SLC9C1: variants seen among roughly 807,000 people sequenced by gnomAD.
SLC9C1 encodes the protein solute carrier family 9 member C1, also known as sodium/hydrogen exchanger 10.
SLC9C1 carries 97 observed loss-of-function variants against 140.9 expected under a neutral mutation model. The ratio of observed to expected loss-of-function variants is 0.69; its 90% CI spans 0.58 to 0.82. The LOEUF is 0.82. Ranked by LOEUF, SLC9C1 falls within the 40% of genes least tolerant of loss-of-function variation. The pLI is 0.00. For synonymous variants in SLC9C1, 440 were observed against 442.6 expected, an observed-to-expected ratio of 0.99 and a Z score of 0.07; for missense variants, 1,340 against 1,389.3, an observed-to-expected ratio of 0.96 and a Z score of 0.56.
In SLC9C1 at chr3:112,182,342, C is replaced by G. The variant is rs571721456; in HGVS notation, c.2524-84G>C. 17 of 1,341,460 alleles carry G rather than the reference C, an allele frequency of 1.3e-5. No homozygotes were observed. In the South Asian group the frequency reaches 2.6e-4, roughly 21 times the overall value. 83.1% of individuals were successfully genotyped at this position (1,341,460 alleles called of 1,614,324 possible). On this transcript the variant is annotated intron_variant, in intron 20 of 28. Transcript: ENST00000305815. ...GGCAGACAGGTCTTTGTACTATTTC[C>G]TATTCTTGATCATTTGACATTTTTC... is the stretch of plus-strand genomic sequence containing the variant.
intron 9 of SLC9C1, 38 bp from the exon 10 acceptor site, chr3:112,263,136 A>G: frequency 6.6e-7 from 1 of 1,509,112 alleles, no homozygotes; most frequent in Non-Finnish European, 8.9e-7. Context: ...TTATTCTTTC[A>G]TATGAGTTTC....
chr3:112,258,476 C>T (rs1367575815), intron 10 of SLC9C1, among the ~76,000 whole-genome samples: 1 of 151,970 alleles, frequency 6.6e-6, no homozygotes, highest in Non-Finnish European at 1.5e-5. Flanking sequence ...CTCTGTCGCC[C>T]AGGCTGGAGT....
intron 10 of SLC9C1, among the ~76,000 whole-genome samples, chr3:112,249,525 G>A (rs2079388793): frequency 6.6e-6 from 1 of 152,102 alleles, no homozygotes; most frequent in African/African-American, 2.4e-5. Context: ...AGTTTTAGTA[G>A]AAGTGGTACC....
At chr3:112,242,811 T>A (rs965431193) in intron 11 of SLC9C1, among the ~76,000 whole-genome samples, 2 of 151,932 alleles carry the variant, frequency 1.3e-5, no homozygotes, top group Non-Finnish European at 2.9e-5. Flanking sequence ...ACAACTACTA[T>A]GTATCCACAA....
rs142590805 is a variant in SLC9C1, at chr3:112,194,897, A to T, written c.2523+4424T>A. 1.1e-4 allele frequency among the ~76,000 whole-genome samples: 16 copies of T among 146,960 alleles called. 1 individual carries two copies. Among genetic ancestry groups the T allele is most frequent in the South Asian group, 4.4e-4 (2 of 4,540 alleles). Reference sequence around the variant, plus strand: ...TTTCCATAATGATGAATGATGTCAAACTCATTATATTTTCATGTTGTTATT... The same window carrying T: ...TTTCCATAATGATGAATGATGTCAATCTCATTATATTTTCATGTTGTTATT... On this transcript the variant is annotated intron_variant, in intron 20 of 28. Transcript: ENST00000305815.
intron 22 of SLC9C1, 36 bp downstream of exon 22, chr3:112,180,528 C>CA (rs766872074): frequency 6.1e-5 from 94 of 1,546,934 alleles, no homozygotes; most frequent in African/African-American, 2.9e-4. Context: ...TGTCTCAAAA[C>CA]AAAAAAACAA....
At chr3:112,292,614 G>A (rs1480835285) in intron 1 of SLC9C1, among the ~76,000 whole-genome samples, 1 of 152,052 alleles carries the variant, frequency 6.6e-6, no homozygotes, top group African/African-American at 2.4e-5. Flanking sequence ...TGCGATCTCG[G>A]CTCACTGCAA....
intron 10 of SLC9C1, among the ~76,000 whole-genome samples, chr3:112,259,526 C>G (rs2079711645): frequency 6.6e-6 from 1 of 151,342 alleles, no homozygotes; most frequent in South Asian, 2.1e-4. Flanking sequence ...AACACAAGAA[C>G]AGAAAGCCAA....
intron 23 of SLC9C1, among the ~76,000 whole-genome samples, chr3:112,176,375 A>G (rs2077336747): frequency 1.3e-5 from 2 of 152,132 alleles, no homozygotes; most frequent in African/African-American, 2.4e-5. Flanking sequence ...TGAAAGTGCT[A>G]TGTTTACTTG....
chr3:112,191,526 T>C (rs1311783891), intron 20 of SLC9C1, among the ~76,000 whole-genome samples: 1 of 152,178 alleles, frequency 6.6e-6, no homozygotes, highest in African/African-American at 2.4e-5. Context: ...AGTCCTTGCA[T>C]CTCAGAAATA....
At chr3:112,239,111 C>T (rs562052390) in intron 12 of SLC9C1, among the ~76,000 whole-genome samples, 25 of 152,330 alleles carry the variant, frequency 1.6e-4, no homozygotes, top group East Asian at 3.9e-4. Context: ...CCACCCAGTT[C>T]GAGCTTCCTG....
intron 10 of SLC9C1, among the ~76,000 whole-genome samples, chr3:112,250,419 T>A (rs2079420434): frequency 7.1e-6 from 1 of 140,878 alleles, no homozygotes. Flanking sequence ...ATCCTTTGGG[T>A]ATATACCTAG....
chr3:112,252,323 C>T (rs781201589), intron 10 of SLC9C1, among the ~76,000 whole-genome samples: 9 of 152,116 alleles, frequency 5.9e-5, no homozygotes, highest in Non-Finnish European at 1.0e-4. Flanking sequence ...AATTTCCTGA[C>T]CACAGTCTAT....
At chr3:112,187,665 A>T (rs55714509) in intron 20 of SLC9C1, among the ~76,000 whole-genome samples, 30,526 of 152,194 alleles carry the variant, frequency 0.2, 3,426 homozygotes, top group Middle Eastern at 0.26. Flanking sequence ...ATATAAGAAC[A>T]CTTCCAAGTA....
At chr3:112,197,607 C>G (rs1306759680) in intron 20 of SLC9C1, among the ~76,000 whole-genome samples, 1 of 152,150 alleles carries the variant, frequency 6.6e-6, no homozygotes, top group Non-Finnish European at 1.5e-5. Flanking sequence ...CTGAAAGTTG[C>G]AAACCTTCAT....
chr3:112,286,714 G>A lies in SLC9C1; in HGVS notation c.78C>T (p.Ser26=). 6.2e-7 allele frequency: 1 copy of A among 1,611,488 alleles called. No homozygotes were observed. The highest frequency in any genetic ancestry group is 8.5e-7 in the Non-Finnish European group (1 of 1,178,808). ...GAGAGTGATACTTACCTCCAATGGAGCTGATCAAAGACAATGTTAGAATGA... is the reference window on the plus strand; with the variant it reads ...GAGAGTGATACTTACCTCCAATGGAACTGATCAAAGACAATGTTAGAATGA... ...PEVILTLSLI[S]SIGAFLNRHL... is the part of the protein sequence containing the mutation. The change falls in exon 2 of 29, where the codon AGC becomes AGT. Residue 26 remains serine (S), a synonymous_variant. Coordinates refer to ENST00000305815, the MANE Select transcript of SLC9C1 (RefSeq NM_183061.3).
intron 10 of SLC9C1, among the ~76,000 whole-genome samples, chr3:112,253,162 G>A (rs1368811257): frequency 6.6e-6 from 1 of 152,154 alleles, no homozygotes; most frequent in Non-Finnish European, 1.5e-5. Context: ...CAATTGCACT[G>A]AATGATTACT....
chr3:112,245,183 A>G (rs746969899), intron 10 of SLC9C1, among the ~76,000 whole-genome samples: 1 of 152,202 alleles, frequency 6.6e-6, no homozygotes, highest in Non-Finnish European at 1.5e-5. Context: ...ATAGCATATG[A>G]CATGTCTCAC....
At chr3:112,169,451 C>A (rs2077204422) in intron 23 of SLC9C1, 123 bp from the exon 24 acceptor site, 7 of 899,672 alleles carry the variant, frequency 7.8e-6, no homozygotes, top group Non-Finnish European at 1.1e-5. Context: ...CACATAATAG[C>A]ATGGAAACTT....
Sources: allele counts gnomAD v4.1 joint callset (sites outside exome capture counted in the v4.1 genomes callset), GRCh38; gene constraint gnomAD v4.1.1; transcripts MANE v1.5; gene names NCBI Gene and HGNC (gene_info 2026-07-23, HGNC 2026-07-21).